Variants in PICALM observed in about 807,000 individuals in gnomAD.
The protein encoded by PICALM is phosphatidylinositol-binding clathrin assembly protein.
Under a neutral mutation model 80.5 loss-of-function variants are expected in PICALM, and 40 were observed. The ratio of observed to expected loss-of-function variants is 0.50; its 90% confidence interval spans 0.39 to 0.65. The LOEUF (loss-of-function observed/expected upper bound fraction) is 0.65. PICALM is among the 30% of genes least tolerant of loss of function. The pLI, the probability that PICALM is intolerant of heterozygous loss-of-function variation, is 0.00. For synonymous variants in PICALM, 288 were observed against 260.3 expected (o/e 1.11, Z -1.02); for missense variants, 676 against 778.9 (o/e 0.87, Z 1.57).
At position 86,049,587 on chromosome 11, in the gene PICALM, C is replaced by A. The variant is rs533453863; in HGVS notation, c.131-17976G>T. ...CTTTTCCCTGAGAAAGAGTCTCACT[C>A]TGTCACCCAGGCTGGAGTGCAGTGG... On this transcript the variant is annotated intron_variant, in intron 1 of 19. Transcript: ENST00000393346. Among the ~76,000 whole-genome samples, 355 of 151,608 alleles carry A rather than the reference C, an allele frequency of 2.3e-3. 2 individuals are homozygous for A. The highest frequency in any genetic ancestry group is 6.8e-3 in the Middle Eastern group (2 of 294).
chr11:85,999,612 A>C (rs1293499475), intron 11 of PICALM, among the ~76,000 whole-genome samples: 3 of 152,250 alleles, frequency 2.0e-5, no homozygotes, highest in African/African-American at 7.2e-5. Context: ...ACACCTACTA[A>C]GATTTCAGGG....
At chr11:86,064,593 A>G (rs1446978325) in intron 1 of PICALM, among the ~76,000 whole-genome samples, 2 of 150,808 alleles carry the variant, frequency 1.3e-5, no homozygotes, top group African/African-American at 4.9e-5. Flanking sequence ...GGCTGCAGTG[A>G]GATGTGATTC....
chr11:85,988,409 A>G (rs899896951), intron 13 of PICALM, among the ~76,000 whole-genome samples: 1 of 152,198 alleles, frequency 6.6e-6, no homozygotes, highest in African/African-American at 2.4e-5. Flanking sequence ...CCAAGTTTAT[A>G]AAAACTCATT....
rs187153947 is a variant in PICALM at position 86,014,307 on chromosome 11, T to C, written c.546+563A>G. Among the ~76,000 whole-genome samples the C allele has an allele frequency of 1.2e-4, 19 of 152,294 alleles. No homozygotes were observed. The East Asian group carries it at 2.9e-3, about 23-fold the overall frequency. ...AATAATAAACAAAACATTGTTAAGA[T>C]AGATGACAAAAAAACAGAACAGAGT... On this transcript the variant is annotated intron_variant, in intron 5 of 19. Transcript: ENST00000393346.
rs150017814 is a variant in PICALM, at chr11:86,044,071, G to C, written c.131-12460C>G. Reference sequence around the variant, plus strand: ...ACTATAATACGCCAATAGTGTCTTAGGAGTTAGAAATATACAATAGTGGAC... The same window carrying C: ...ACTATAATACGCCAATAGTGTCTTACGAGTTAGAAATATACAATAGTGGAC... On this transcript the variant is annotated intron_variant, in intron 1 of 19. Coordinates refer to ENST00000393346, the MANE Select transcript of PICALM (RefSeq NM_007166.4). Among the ~76,000 whole-genome samples the C allele has an allele frequency of 3.1e-3, 471 of 152,312 alleles. 3 individuals carry two copies. The highest frequency in any genetic ancestry group is 0.011 in the African/African-American group (454 of 41,564).
chr11:86,021,495 TAAG>T (rs1565442970), intron 4 of PICALM, among the ~76,000 whole-genome samples: 1 of 134,096 alleles, frequency 7.5e-6, no homozygotes, highest in South Asian at 2.3e-4. Context: ...GGCTACCATT[TAAG>T]AAAAAAAAAA....
In PICALM at chr11:85,985,286, A is replaced by T. The variant is rs144112855; in HGVS notation, c.1409-1313T>A. Among the ~76,000 whole-genome samples the T allele has an allele frequency of 5.1e-3, 783 of 152,314 alleles. 3 individuals are homozygous for T. Among genetic ancestry groups the T allele is most frequent in the Middle Eastern group, 0.02 (6 of 294 alleles). ...AAAAAGTAGGACAAGATTTGGTGAG[A>T]TGTCCAAGAAGGTCCTCAAAGACAG... On this transcript the variant is annotated intron_variant, in intron 13 of 19. Coordinates refer to ENST00000393346, the MANE Select transcript of PICALM (RefSeq NM_007166.4).
intron 14 of PICALM, among the ~76,000 whole-genome samples, chr11:85,983,254 C>CA (rs1436542203): frequency 6.6e-6 from 1 of 152,118 alleles, no homozygotes; most frequent in African/African-American, 2.4e-5. Context: ...TTATGAGTGT[C>CA]AAAGTTTTAC....
rs576456397 is a variant in PICALM at position 86,024,628 on chromosome 11, A to G, written c.349+1664T>C. On this transcript the variant is annotated intron_variant, in intron 3 of 19. Coordinates refer to ENST00000393346, the MANE Select transcript of PICALM (RefSeq NM_007166.4). ...CCCTCTCCCCTCCTCTCTCTACTGCATTATAAAATTCCAACTCTATAAAAA... is the reference window on the plus strand; with the variant it reads ...CCCTCTCCCCTCCTCTCTCTACTGCGTTATAAAATTCCAACTCTATAAAAA... 2.0e-4 allele frequency among the ~76,000 whole-genome samples: 30 copies of G among 152,180 alleles called. 1 individual carries two copies. The South Asian group carries it at 6.0e-3, about 31-fold the overall frequency.
intron 1 of PICALM, among the ~76,000 whole-genome samples, chr11:86,043,817 G>T (rs139606730): frequency 2.0e-3 from 302 of 152,262 alleles, no homozygotes; most frequent in African/African-American, 7.0e-3. Context: ...GAATCCAGAA[G>T]ATTTTTCATC....
intron 12 of PICALM, 152 bp from the exon 13 acceptor site, chr11:85,990,551 A>C (rs1191226316): frequency 7.3e-6 from 3 of 408,954 alleles, no homozygotes; most frequent in Non-Finnish European, 1.3e-5. Flanking sequence ...AAAATACCTA[A>C]TCATCAAGAT....
chr11:85,960,855 AAAG>A (rs2093665035), intron 19 of PICALM: 1 of 563,282 alleles, frequency 1.8e-6, no homozygotes, highest in Non-Finnish European at 2.7e-6. Context: ...AAAATGTATG[AAAG>A]AAGAAGTGGT....
intron 1 of PICALM, among the ~76,000 whole-genome samples, chr11:86,056,823 G>C (rs770795176): frequency 1.4e-4 from 22 of 152,134 alleles, no homozygotes; most frequent in Non-Finnish European, 2.8e-4. Flanking sequence ...CTATACAAGG[G>C]AGTATTACTC....
At chr11:85,997,547 T>G (rs1386008877) in intron 11 of PICALM, among the ~76,000 whole-genome samples, 5 of 152,236 alleles carry the variant, frequency 3.3e-5, no homozygotes. Context: ...CTTGGCTCAC[T>G]GTAACCTCTG....
intron 1 of PICALM, among the ~76,000 whole-genome samples, chr11:86,047,929 G>A (rs1400957102): frequency 6.6e-6 from 1 of 151,790 alleles, no homozygotes; most frequent in Non-Finnish European, 1.5e-5. Context: ...GTGAAACCTC[G>A]TCTCTACTAA....
At chr11:86,021,678 C>A (rs1470915906) in intron 4 of PICALM, among the ~76,000 whole-genome samples, 1 of 152,128 alleles carries the variant, frequency 6.6e-6, no homozygotes, top group Non-Finnish European at 1.5e-5. Flanking sequence ...AGCAATTCCA[C>A]TTCTAGGTAT....
chr11:86,026,385 C>T lies in PICALM; in HGVS notation c.274-18G>A. On this transcript the variant is annotated intron_variant, in intron 2 of 19. Transcript: ENST00000393346. ...ATAAAACGCTGGAAAAAAAAAATTA[C>T]ATCATATTAAGGTACTGCCATCTCA... is the stretch of plus-strand genomic sequence containing the variant. The T allele has an allele frequency of 6.6e-7, 1 of 1,516,248 alleles. No homozygotes were observed. The highest frequency in any genetic ancestry group is 9.1e-7 in the Non-Finnish European group (1 of 1,098,344). 93.9% of individuals were successfully genotyped at this position (1,516,248 alleles called of 1,614,324 possible).
chr11:85,966,622 C>T (rs527975106), intron 19 of PICALM, among the ~76,000 whole-genome samples: 1 of 152,260 alleles, frequency 6.6e-6, no homozygotes, highest in Non-Finnish European at 1.5e-5. Context: ...ATTGTGACCC[C>T]CCAAAAGATG....
chr11:86,020,629 G>C (rs1167327529), intron 4 of PICALM, among the ~76,000 whole-genome samples: 2 of 152,058 alleles, frequency 1.3e-5, no homozygotes, highest in African/African-American at 4.8e-5. Flanking sequence ...CTATCCAATG[G>C]GGAAAGAAGA....
Sources: allele counts gnomAD v4.1 joint callset (sites outside exome capture counted in the v4.1 genomes callset), GRCh38; gene constraint gnomAD v4.1.1; transcripts MANE v1.5; gene names NCBI Gene and HGNC (gene_info 2026-07-23, HGNC 2026-07-21).